Variants in SAMMSON observed in about 807,000 individuals in gnomAD.
SAMMSON encodes the protein survival associated mitochondrial melanoma specific oncogenic non-coding RNA.
intron 4 of SAMMSON, among the ~76,000 whole-genome samples, chr3:70,199,759 A>C (rs1232430553): frequency 6.6e-6 from 1 of 152,122 alleles, no homozygotes; most frequent in Non-Finnish European, 1.5e-5. Context: ...CTTTGCCTGC[A>C]CTATTTCCTG....
intron 3 of SAMMSON, among the ~76,000 whole-genome samples, chr3:70,040,905 A>G (rs577678467): frequency 6.6e-6 from 1 of 152,272 alleles, no homozygotes; most frequent in African/African-American, 2.4e-5. Flanking sequence ...GTTTTCATAG[A>G]TTTCAATGAT....
chr3:70,154,040 T>TC (rs1313962289), intron 4 of SAMMSON, among the ~76,000 whole-genome samples: 1 of 152,028 alleles, frequency 6.6e-6, no homozygotes, highest in Non-Finnish European at 1.5e-5. Flanking sequence ...GGATGTTTGT[T>TC]CTCAGTATTA....
chr3:70,029,133 A>C (rs553081423), intron 3 of SAMMSON, among the ~76,000 whole-genome samples: 1 of 152,324 alleles, frequency 6.6e-6, no homozygotes, highest in Admixed American at 6.5e-5. Flanking sequence ...GGAAGTATCA[A>C]GTCATAGACT....
rs540921654 is a variant in SAMMSON, at chr3:70,003,062, C to G, written n.22+3195C>G. Among the ~76,000 whole-genome samples the G allele has an allele frequency of 2.0e-5, 3 of 152,114 alleles. No homozygotes were observed. In the South Asian group the frequency reaches 6.2e-4, roughly 32 times the overall value. Reference sequence around the variant, plus strand: ...TTAGGTGCATACAAATTTAGAATTCCTGCATTTTCCTGAGGAGTAAATATT... The same window carrying G: ...TTAGGTGCATACAAATTTAGAATTCGTGCATTTTCCTGAGGAGTAAATATT... On this transcript the variant is annotated intron_variant and non_coding_transcript_variant, in intron 1 of 9. Coordinates refer to ENST00000642114, the Ensembl canonical transcript of SAMMSON.
chr3:70,259,249 T>C (rs1447049064), intron 6 of SAMMSON, among the ~76,000 whole-genome samples: 1 of 151,896 alleles, frequency 6.6e-6, no homozygotes, highest in African/African-American at 2.4e-5. Flanking sequence ...AAGAAAGAGG[T>C]AAGAGTTGGA....
At chr3:70,269,586 C>T (rs1210605202) in intron 6 of SAMMSON, among the ~76,000 whole-genome samples, 2 of 152,132 alleles carry the variant, frequency 1.3e-5, no homozygotes, top group Non-Finnish European at 2.9e-5. Flanking sequence ...AATTTTGGTT[C>T]AGGGGCTGCC....
chr3:70,336,859 G>GTGTGTGT (rs1553656690), intron 7 of SAMMSON, among the ~76,000 whole-genome samples: 4 of 119,132 alleles, frequency 3.4e-5, no homozygotes, highest in South Asian at 3.0e-4. Flanking sequence ...TGTGTGTGTG[G>GTGTGTGT]AGAGAGAGAG....
chr3:70,012,676 C>A (rs777491875), intron 2 of SAMMSON: 1 of 152,116 alleles, frequency 6.6e-6, no homozygotes, highest in African/African-American at 2.4e-5. Flanking sequence ...GGTGTACTTA[C>A]TTGCCCCTTT....
intron 4 of SAMMSON, chr3:70,125,877 G>C (rs916429743): frequency 2.9e-6 from 2 of 685,534 alleles, no homozygotes; most frequent in Non-Finnish European, 5.3e-6. Flanking sequence ...CATCACTGCT[G>C]TCATCTTCTA....
intron 4 of SAMMSON, among the ~76,000 whole-genome samples, chr3:70,171,829 C>G (rs6764061): frequency 0.073 from 11,054 of 151,930 alleles, 563 homozygotes; most frequent in Non-Finnish European, 0.11. Flanking sequence ...GAATGAATCT[C>G]CCACCCCTGC....
At chr3:70,248,711 C>T (rs759933936) in intron 4 of SAMMSON, among the ~76,000 whole-genome samples, 6 of 152,006 alleles carry the variant, frequency 3.9e-5, no homozygotes, top group Non-Finnish European at 8.8e-5. Context: ...GACAGAATAA[C>T]CAGATTCAAG....
At chr3:70,147,231 T>A (rs2067552688) in intron 4 of SAMMSON, among the ~76,000 whole-genome samples, 1 of 152,052 alleles carries the variant, frequency 6.6e-6, no homozygotes, top group Admixed American at 6.6e-5. Flanking sequence ...ATAGTGAAGA[T>A]ATCAATTATT....
chr3:70,408,012 C>T (rs1316364436), intron 2 of SAMMSON, among the ~76,000 whole-genome samples: 1 of 152,240 alleles, frequency 6.6e-6, no homozygotes, highest in Admixed American at 6.5e-5. Flanking sequence ...AGGCTCACCA[C>T]CACATGGAAG....
chr3:70,147,290 TA>T (rs745908661), intron 4 of SAMMSON, among the ~76,000 whole-genome samples: 41 of 152,186 alleles, frequency 2.7e-4, no homozygotes, highest in Middle Eastern at 3.4e-3. Context: ...AATTCAAGAA[TA>T]TTTTTTTGTA....
intron 4 of SAMMSON, among the ~76,000 whole-genome samples, chr3:70,226,780 A>G (rs1271476266): frequency 6.6e-6 from 1 of 151,916 alleles, no homozygotes; most frequent in African/African-American, 2.4e-5. Flanking sequence ...CCAGGTGGCA[A>G]TTAAAAACAA....
chr3:70,101,169 A>G (rs908098056), intron 4 of SAMMSON, among the ~76,000 whole-genome samples: 5 of 152,150 alleles, frequency 3.3e-5, no homozygotes, highest in African/African-American at 7.2e-5. Context: ...ACAAATTGCT[A>G]TCACTGTAGC....
chr3:70,380,652 A>C (rs559470999), intron 9 of SAMMSON, among the ~76,000 whole-genome samples: 2 of 152,108 alleles, frequency 1.3e-5, no homozygotes, highest in South Asian at 4.1e-4. Flanking sequence ...TTAACTCGTC[A>C]TTTAACATTA....
chr3:70,067,855 C>A (rs1209129627), intron 3 of SAMMSON, among the ~76,000 whole-genome samples: 2 of 152,058 alleles, frequency 1.3e-5, no homozygotes, highest in Non-Finnish European at 2.9e-5. Context: ...CTACCATGTA[C>A]ATGGGAGACC....
chr3:70,432,854 C>A (rs1043938771), intron 2 of SAMMSON, among the ~76,000 whole-genome samples: 7 of 152,034 alleles, frequency 4.6e-5, no homozygotes, highest in African/African-American at 1.7e-4. Flanking sequence ...AACCACTTAT[C>A]TTTTTACTGT....
Sources: gnomAD v4.1 joint callset for allele counts (sites outside exome capture counted in the v4.1 genomes callset) on GRCh38, gnomAD v4.1.1 for gene constraint, MANE v1.5 for transcripts, NCBI Gene and HGNC (gene_info 2026-07-23, HGNC 2026-07-21) for gene names.